Variants in PLCG2 observed in about 807,000 individuals in gnomAD.
PLCG2 encodes the protein 1-phosphatidylinositol 4,5-bisphosphate phosphodiesterase gamma-2.
Under a neutral mutation model 175.6 loss-of-function variants are expected in PLCG2, and 69 were observed. The observed-to-expected ratio is 0.39, with a 90% CI of 0.32 to 0.48. The LOEUF is 0.48. Ranked by LOEUF, PLCG2 falls within the 20% of genes least tolerant of loss-of-function variation. PLCG2 has a pLI of 0.91. For synonymous variants in PLCG2, 827 were observed against 624.0 expected (o/e 1.33, Z -4.85); for missense variants, 1,798 against 1,650.9 (o/e 1.09, Z -1.54).
At chr16:81,942,850 C>A (rs914154480) in intron 30 of PLCG2, among the ~76,000 whole-genome samples, 1 of 152,108 alleles carries the variant, frequency 6.6e-6, no homozygotes. Flanking sequence ...ATTGATCTTA[C>A]TTTAAAAGGT....
chr16:81,860,053 C>G lies in PLCG2; in HGVS notation c.479+890C>G, dbSNP rs57169896. On this transcript the variant is annotated intron_variant, in intron 5 of 32. Coordinates refer to ENST00000564138, the MANE Select transcript of PLCG2 (RefSeq NM_002661.5). ...TGGCACAGTCATAGCTCGCTGCAGC[C>G]GTAAAGTCCTGGGCTCAAACGATCC... 2.9e-3 allele frequency among the ~76,000 whole-genome samples: 444 copies of G among 151,844 alleles called. 2 individuals carry two copies. The highest frequency in any genetic ancestry group is 0.01 in the African/African-American group (422 of 41,422).
intron 25 of PLCG2, among the ~76,000 whole-genome samples, chr16:81,932,424 G>C (rs1229170862): frequency 6.6e-6 from 1 of 152,204 alleles, no homozygotes; most frequent in Non-Finnish European, 1.5e-5. Context: ...AGTAAGGGCT[G>C]TCTGTTCTTG....
At chr16:81,953,395 T>C (rs530664008) in intron 31 of PLCG2, among the ~76,000 whole-genome samples, 89 of 152,242 alleles carry the variant, frequency 5.8e-4, no homozygotes, top group Non-Finnish European at 1.1e-3. Flanking sequence ...TGTGAGAACA[T>C]TGTACTATTA....
At chr16:81,915,303 G>A (rs1567530987) in intron 19 of PLCG2, among the ~76,000 whole-genome samples, 2 of 152,178 alleles carry the variant, frequency 1.3e-5, no homozygotes, top group African/African-American at 4.8e-5. Context: ...ACTGTTCTGG[G>A]CTCTGGGGAT....
intron 2 of PLCG2, among the ~76,000 whole-genome samples, chr16:81,757,551 G>A (rs1909954933): frequency 6.6e-6 from 1 of 151,890 alleles, no homozygotes; most frequent in Admixed American, 6.6e-5. Context: ...GTGACAGAGT[G>A]AGACTCTGTC....
intron 1 of PLCG2, among the ~76,000 whole-genome samples, chr16:81,739,941 C>A (rs886981925): frequency 6.6e-6 from 1 of 151,968 alleles, no homozygotes; most frequent in Non-Finnish European, 1.5e-5. Flanking sequence ...AATTTGAAAC[C>A]AGCCTGGCCA....
At chr16:81,867,291 C>G (rs1405046717) in intron 5 of PLCG2, among the ~76,000 whole-genome samples, 1 of 152,234 alleles carries the variant, frequency 6.6e-6, no homozygotes, top group Admixed American at 6.5e-5. Flanking sequence ...CTCTTGACCA[C>G]TCTGTCTCAG....
intron 21 of PLCG2, among the ~76,000 whole-genome samples, chr16:81,922,672 A>T (rs4426346): frequency 0.51 from 77,985 of 152,090 alleles, 21,400 homozygotes; most frequent in East Asian, 0.78. Context: ...TCTGAGGAAA[A>T]ATTTTACTAG....
At chr16:81,760,080 C>T (rs1275056981) in intron 2 of PLCG2, among the ~76,000 whole-genome samples, 23 of 152,162 alleles carry the variant, frequency 1.5e-4, no homozygotes, top group Admixed American at 1.5e-3. Flanking sequence ...GAGCCGAGAT[C>T]GCGCCACTGC....
intron 2 of PLCG2, among the ~76,000 whole-genome samples, chr16:81,833,228 A>T (rs555850920): frequency 6.6e-6 from 1 of 152,324 alleles, no homozygotes; most frequent in South Asian, 2.1e-4. Context: ...CCTTTAAAGA[A>T]GGAGTGCTTT....
At chr16:81,762,123 C>T (rs78902857) in intron 2 of PLCG2, among the ~76,000 whole-genome samples, 2,211 of 152,144 alleles carry the variant, frequency 0.015, 53 homozygotes, top group African/African-American at 0.05. Context: ...GCATGAGCCA[C>T]CACGCATGGC....
At chr16:81,891,421 C>A (rs199537366) in intron 10 of PLCG2, 51 bp from the exon 11 acceptor site, 1 of 1,029,320 alleles carries the variant, frequency 9.7e-7, no homozygotes, top group Non-Finnish European at 1.5e-6. Context: ...CAAGCAGACA[C>A]CATCCTGCCC....
At chr16:81,833,179 A>G (rs1433058256) in intron 2 of PLCG2, among the ~76,000 whole-genome samples, 1 of 152,168 alleles carries the variant, frequency 6.6e-6, no homozygotes, top group African/African-American at 2.4e-5. Flanking sequence ...GCATGAGGAT[A>G]CCACGTTTGG....
At position 81,911,790 on chromosome 16, in the gene PLCG2, CTTTTTTTTTTTTT is replaced by C. The variant is rs35027472; in HGVS notation, c.1935-794_1935-782del. Among the ~76,000 whole-genome samples, 18 of 67,256 alleles carry C rather than the reference CTTTTTTTTTTTTT, an allele frequency of 2.7e-4. 1 individual carries two copies. Among genetic ancestry groups the C allele is most frequent in the African/African-American group, 9.3e-4 (15 of 16,164 alleles). 44.1% of individuals were successfully genotyped at this position (67,256 alleles called of 152,430 possible). The stretch of plus-strand genomic sequence containing the variant: ...TGGGCCTGGCTAATTTTTGTATTTC[CTTTTTTTTTTTTT>C]TTTTTTTTTTTTGGGACAGAGTCAC... On this transcript the variant is annotated intron_variant, in intron 18 of 32. Coordinates refer to ENST00000564138, the MANE Select transcript of PLCG2 (RefSeq NM_002661.5).
intron 7 of PLCG2, among the ~76,000 whole-genome samples, chr16:81,880,333 A>G (rs1908016717): frequency 6.6e-6 from 1 of 152,234 alleles, no homozygotes; most frequent in African/African-American, 2.4e-5. Flanking sequence ...GGCAGAATTT[A>G]TCAAAGCCAA....
rs1258934947 is a variant in PLCG2 at position 81,822,780 on chromosome 16, A to AAAAAAAAT, written c.194-31663_194-31662insAAAAAATA. On this transcript the variant is annotated intron_variant, in intron 2 of 32. Coordinates refer to ENST00000564138, the MANE Select transcript of PLCG2 (RefSeq NM_002661.5). The stretch of plus-strand genomic sequence containing the variant: ...CCATCTCAAAAAAAAAAAAAAAAAA[A>AAAAAAAAT]AGAAAAAGGCAGGAGATCAGAGTGA... Among the ~76,000 whole-genome samples the AAAAAAAAT allele has an allele frequency of 6.4e-4, 96 of 150,906 alleles. 1 individual carries two copies. Among genetic ancestry groups the AAAAAAAAT allele is most frequent in the African/African-American group, 2.3e-3 (94 of 40,960 alleles).
chr16:81,879,831 C>T (rs1907991087), intron 7 of PLCG2, among the ~76,000 whole-genome samples: 1 of 152,118 alleles, frequency 6.6e-6, no homozygotes, highest in African/African-American at 2.4e-5. Flanking sequence ...ATGGCGCCCC[C>T]CTTGGTGGAA....
At position 81,808,847 on chromosome 16, in the gene PLCG2, TC is replaced by T. The variant is rs892465419; in HGVS notation, c.193+22670del. ...AGCCTCTGTGGGCCTGGCCTCTGTT[TC>T]CCCCTATGCAAAATGGGGCTTATCA... On this transcript the variant is annotated intron_variant, in intron 2 of 32. Transcript: ENST00000564138. Among the ~76,000 whole-genome samples the T allele has an allele frequency of 3.3e-5, 5 of 152,204 alleles. No homozygotes were observed. The South Asian group carries it at 6.2e-4, about 19-fold the overall frequency.
intron 22 of PLCG2, among the ~76,000 whole-genome samples, chr16:81,926,418 G>C (rs887775295): frequency 6.6e-6 from 1 of 152,228 alleles, no homozygotes; most frequent in Non-Finnish European, 1.5e-5. Context: ...AGGAATCTTA[G>C]AGGTGCTCAC....
Sources: gnomAD v4.1 joint callset for allele counts (sites outside exome capture counted in the v4.1 genomes callset) on GRCh38, gnomAD v4.1.1 for gene constraint, MANE v1.5 for transcripts, NCBI Gene and HGNC (gene_info 2026-07-23, HGNC 2026-07-21) for gene names.